SLC5A10: variants seen among roughly 807,000 people sequenced by gnomAD.
SLC5A10 encodes the protein sodium/mannose cotransporter SLC5A10.
SLC5A10 carries 55 observed loss-of-function variants against 68.9 expected under a neutral mutation model. The observed-to-expected ratio is 0.80, with a 90% CI of 0.64 to 1.00. The LOEUF is 1.00. Ranked by LOEUF, SLC5A10 falls within the 50% of genes least tolerant of loss-of-function variation. The pLI is 0.00. For missense variants in SLC5A10, 732 were observed against 819.3 expected (o/e 0.89, Z 1.30); for synonymous variants, 344 against 344.8 (o/e 1.00, Z 0.02).
In SLC5A10 at chr17:19,022,183, A is replaced by C; in HGVS notation, c.*1752A>C. Reference sequence around the variant, plus strand: ...AGGTGGTTAGTAGGGTGCCTTCAGAAGCCCTGCAACCCACCCTCCCTCAGA... The same window carrying C: ...AGGTGGTTAGTAGGGTGCCTTCAGACGCCCTGCAACCCACCCTCCCTCAGA... On this transcript the variant is annotated 3_prime_UTR_variant, in exon 15 of 15. Transcript: ENST00000395645. 1 of 1,242,874 alleles carries C rather than the reference A, an allele frequency of 8.0e-7. No individual in the cohort carries two copies. The highest frequency in any genetic ancestry group is 1.1e-6 in the Non-Finnish European group (1 of 929,556). The allele number at this position is 1,242,874 out of a possible 1,614,324, so 77.0% of individuals were successfully genotyped here.
intron 9 of SLC5A10, among the ~76,000 whole-genome samples, chr17:18,991,299 G>A (rs747065696): frequency 5.9e-5 from 9 of 152,114 alleles, no homozygotes; most frequent in Non-Finnish European, 1.2e-4. Context: ...ATGACTGCAG[G>A]AATCAGGGCA....
chr17:18,952,029 T>G, upstream of SLC5A10: 1 of 1,022,138 alleles, frequency 9.8e-7, no homozygotes, highest in Non-Finnish European at 1.4e-6. Flanking sequence ...CACCATGGGG[T>G]GAGGAAGCTG....
Position 18,959,128 on chromosome 17 carries a change from C to T in SLC5A10, c.184-7C>T, listed in dbSNP as rs773421754. The T allele has an allele frequency of 8.7e-6, 14 of 1,607,662 alleles. No homozygotes were observed. In the South Asian group the frequency reaches 1.5e-4, roughly 18 times the overall value. Reference sequence around the variant, plus strand: ...GCTGCTGATGCGTTTCCCTTTCTCTCCTCCAGATTGGAGCCTCCCTCTTCG... The same window carrying T: ...GCTGCTGATGCGTTTCCCTTTCTCTTCTCCAGATTGGAGCCTCCCTCTTCG... On this transcript the variant is annotated splice_polypyrimidine_tract_variant and splice_region_variant and intron_variant, in intron 2 of 14. Coordinates refer to ENST00000395645, the MANE Select transcript of SLC5A10 (RefSeq NM_001042450.4).
intron 2 of SLC5A10, 22 bp from the exon 3 acceptor site, chr17:18,959,113 C>A: frequency 6.3e-7 from 1 of 1,599,792 alleles, no homozygotes; most frequent in Non-Finnish European, 8.6e-7. Flanking sequence ...GCTGCTGATG[C>A]GTTTCCCTTT....
rs2042860614 is a variant in SLC5A10, at chr17:18,971,716, G to A, written c.846+498G>A. The A allele has an allele frequency of 6.3e-7, 1 of 1,590,652 alleles. No homozygotes were observed. On this transcript the variant is annotated intron_variant, in intron 8 of 14. Transcript: ENST00000395645. This position sits in a 1 kb window ranked among gnomAD's most constrained non-coding sequence, Gnocchi z 5.5. ...AGCCGTCTTTATCCCTAGTCCCTGA[G>A]GCAGGGACCCTGTGATGATGAAACT...
intron 9 of SLC5A10, among the ~76,000 whole-genome samples, chr17:18,998,705 G>C (rs1330300183): frequency 6.6e-6 from 1 of 152,204 alleles, no homozygotes; most frequent in African/African-American, 2.4e-5. Context: ...CCTTTGGAGC[G>C]CACAGGAGTT....
At chr17:18,998,784 G>C (rs2043637974) in intron 9 of SLC5A10, among the ~76,000 whole-genome samples, 1 of 152,256 alleles carries the variant, frequency 6.6e-6, no homozygotes, top group Non-Finnish European at 1.5e-5. Context: ...GCCTGGGCCA[G>C]CTGTGCGCCC....
In SLC5A10 at chr17:18,971,679, G is replaced by A; in HGVS notation, c.846+461G>A. 1 of 1,610,486 alleles carries A rather than the reference G, an allele frequency of 6.2e-7. No homozygotes were observed. Among genetic ancestry groups the A allele is most frequent in the Non-Finnish European group, 8.5e-7 (1 of 1,177,772 alleles). ...CTGTCAGCAGCAGAGCGGTACCTAG[G>A]GGGTCCTGGGAAGCCGTCTTTATCC... On this transcript the variant is annotated intron_variant, in intron 8 of 14. Transcript: ENST00000395645. The surrounding 1 kb of genome is among the most constrained non-coding windows in gnomAD (Gnocchi z 5.5).
intron 5 of SLC5A10, among the ~76,000 whole-genome samples, chr17:18,963,932 G>A (rs943020031): frequency 1.3e-5 from 2 of 152,100 alleles, no homozygotes; most frequent in African/African-American, 2.4e-5. Flanking sequence ...CCCCTCCCTC[G>A]CCCTGTTGCC....
Position 19,021,620 on chromosome 17 carries a change from G to A in SLC5A10, c.*1189G>A. 1 of 392,890 alleles carries A rather than the reference G, an allele frequency of 2.5e-6. No individual in the cohort carries two copies. Among genetic ancestry groups the A allele is most frequent in the Non-Finnish European group, 4.5e-6 (1 of 222,852 alleles). 24.3% of individuals were successfully genotyped at this position (392,890 alleles called of 1,614,324 possible). ...TCCTTAGGTTGAGCCTCCAGTGGGT[G>A]AAACCTGGGAGTCCTCAACCTTCCT... is the stretch of plus-strand genomic sequence containing the variant. On this transcript the variant is annotated 3_prime_UTR_variant, in exon 15 of 15. Coordinates refer to ENST00000395645, the MANE Select transcript of SLC5A10 (RefSeq NM_001042450.4). The surrounding 1 kb of genome is among the most constrained non-coding windows in gnomAD (Gnocchi z 4.1).
intron 9 of SLC5A10, among the ~76,000 whole-genome samples, chr17:19,008,839 G>A (rs1022206675): frequency 2.8e-5 from 4 of 144,118 alleles, no homozygotes; most frequent in African/African-American, 5.2e-5. Flanking sequence ...TTGAGATAGC[G>A]TCTTGCTGTG....
Position 19,019,757 on chromosome 17 carries a change from G to T in SLC5A10, c.1455G>T (p.Thr485=), listed in dbSNP as rs1425502583. The T allele has an allele frequency of 1.2e-6, 2 of 1,612,574 alleles. No homozygotes were observed. Among genetic ancestry groups the T allele is most frequent in the South Asian group, 2.2e-5 (2 of 90,936 alleles). Residue 485 remains threonine, a synonymous_variant, in exon 13 of 15, where the codon ACG becomes ACT. Transcript: ENST00000395645. Reference sequence around the variant, plus strand: ...TAGCAGGGCTGGTGGTGGGGGCCACGAGGCTGGTCCTGGAATTCCTGAACC... The same window carrying T: ...TAGCAGGGCTGGTGGTGGGGGCCACTAGGCTGGTCCTGGAATTCCTGAACC... ...GLIAGLVVGA[T]RLVLEFLNPA...
At position 19,019,663 on chromosome 17, in the gene SLC5A10, C is replaced by A. The variant is rs758887639; in HGVS notation, c.1411-50C>A. ...TCTTCCCTGCTGCCTGTGGGGGGAGCCTTGGTCCTCCTCCCGTAGCCCCAC... is the reference window on the plus strand; with the variant it reads ...TCTTCCCTGCTGCCTGTGGGGGGAGACTTGGTCCTCCTCCCGTAGCCCCAC... On this transcript the variant is annotated intron_variant, in intron 12 of 14. Transcript: ENST00000395645. The A allele has an allele frequency of 1.1e-5, 17 of 1,602,110 alleles. No individual in the cohort carries two copies. The East Asian group carries it at 3.8e-4, about 36-fold the overall frequency.
In SLC5A10 at chr17:19,003,773, G is replaced by A; in HGVS notation, c.983-9637G>A. On this transcript the variant is annotated intron_variant, in intron 9 of 14. Transcript: ENST00000395645. The surrounding 1 kb of genome is among the most constrained non-coding windows in gnomAD (Gnocchi z 4.5). ...GCCGTCGCCGACCCCATTGTCCTCG[G>A]GCCCCTGAGAGGGGCCCGTGCCCCG... 6.2e-7 allele frequency: 1 copy of A among 1,609,956 alleles called. No individual in the cohort carries two copies.
chr17:18,974,904 T>C (rs1233274865), intron 8 of SLC5A10, among the ~76,000 whole-genome samples: 2 of 151,994 alleles, frequency 1.3e-5, no homozygotes, highest in Non-Finnish European at 2.9e-5. Flanking sequence ...TGCTGACATC[T>C]GAGTTGGGGG....
At chr17:19,011,585 A>G (rs2044014196) in intron 9 of SLC5A10, among the ~76,000 whole-genome samples, 1 of 151,346 alleles carries the variant, frequency 6.6e-6, no homozygotes, top group Non-Finnish European at 1.5e-5. Flanking sequence ...AAGTGTGGAG[A>G]GGATGGACAG....
Position 19,017,457 on chromosome 17 carries a change from C to A in SLC5A10, c.1242-1966C>A. ...GAGGCGAGGCTTACAGAGAGAAGAC[C>A]AACAGCCCAGAGGCCTGGAGAGGAG... On this transcript the variant is annotated intron_variant, in intron 11 of 14. Coordinates refer to ENST00000395645, the MANE Select transcript of SLC5A10 (RefSeq NM_001042450.4). The surrounding 1 kb of genome is among the most constrained non-coding windows in gnomAD (Gnocchi z 5.6). The A allele has an allele frequency of 6.8e-7, 1 of 1,468,696 alleles. No homozygotes were observed. Among genetic ancestry groups the A allele is most frequent in the Non-Finnish European group, 9.3e-7 (1 of 1,072,178 alleles). 91.0% of individuals were successfully genotyped at this position (1,468,696 alleles called of 1,614,324 possible). A position where few individuals can be genotyped will look rare whatever the true frequency, so the allele number is the denominator to read the frequency against.
At chr17:18,976,608 A>G in intron 8 of SLC5A10, 3 of 502,454 alleles carry the variant, frequency 6.0e-6, no homozygotes, top group Middle Eastern at 5.1e-4. Flanking sequence ...TCCCCTATTG[A>G]CAGGTCAGGG....
chr17:19,019,280 G>C, intron 11 of SLC5A10, 143 bp from the exon 12 acceptor site: 1 of 986,498 alleles, frequency 1.0e-6, no homozygotes, highest in African/African-American at 1.6e-5. Context: ...GGTCACTGGT[G>C]GTGTGGACCA....
Sources: allele counts gnomAD v4.1 joint callset (sites outside exome capture counted in the v4.1 genomes callset), GRCh38; gene constraint gnomAD v4.1.1; non-coding constraint Gnocchi (gnomAD v3.1); transcripts MANE v1.5; gene names NCBI Gene and HGNC (gene_info 2026-07-23, HGNC 2026-07-21).